Variants in MUC17 observed in about 807,000 individuals in gnomAD.
MUC17 encodes mucin 17, cell surface associated.
In MUC17, 190 loss-of-function variants were observed where a neutral mutation model predicts 170.3. The ratio of observed to expected loss-of-function variants is 1.12; its 90% CI spans 0.99 to 1.26. The LOEUF is 1.26. Ranked by LOEUF, MUC17 falls within the 50% of genes most tolerant of loss-of-function variation. The pLI is 0.00. For missense variants in MUC17, 6,415 were observed against 5,530.0 expected (o/e 1.16, Z -5.08); for synonymous variants, 2,325 against 2,002.5 (o/e 1.16, Z -4.30).
At chr7:101,044,711 T>A (rs1351451541) in intron 3 of MUC17, among the ~76,000 whole-genome samples, 2 of 152,218 alleles carry the variant, frequency 1.3e-5, no homozygotes, top group Non-Finnish European at 2.9e-5. Context: ...TCTGAGTGGT[T>A]TGTTTTCTTT....
At position 101,041,237 on chromosome 7, in the gene MUC17, C is replaced by G. The variant is rs537826960; in HGVS notation, c.9821C>G (p.Ser3274Ter). Residue 3274 changes from serine to a stop codon, truncating the protein, a stop_gained, in exon 3 of 13, where the codon TCA (serine) becomes TGA (stop). Coordinates refer to ENST00000306151, the MANE Select transcript of MUC17 (RefSeq NM_001040105.2). LOFTEE classifies it high-confidence loss of function. ...PTAEGTSMPT[S>*]TPSEGSTPLT... ...GCTGAAGGTACCAGCATGCCAACCTCAACTCCTAGTGAAGGAAGCACTCCA... is the reference window on the plus strand; with the variant it reads ...GCTGAAGGTACCAGCATGCCAACCTGAACTCCTAGTGAAGGAAGCACTCCA... The G allele has an allele frequency of 3.0e-5, 48 of 1,612,180 alleles. No homozygotes were observed. The highest frequency in any genetic ancestry group is 4.0e-5 in the Non-Finnish European group (47 of 1,178,856).
rs373140626 is a variant in MUC17, at chr7:101,049,341, C to T, written c.12681C>T (p.Ser4227=). Residue 4227 remains serine, a synonymous_variant, in exon 6 of 13, where the codon TCC becomes TCT. Transcript: ENST00000306151. ...TFTEQMNIVY[S]GIPEYVGVNI... ...CCTTTCAGATGAATATTGTGTATTC[C>T]GGGATCCCTGAGTATGTCGGGGTGA... is the stretch of plus-strand genomic sequence containing the variant. The T allele has an allele frequency of 1.3e-5, 21 of 1,613,890 alleles. No individual in the cohort carries two copies. Among genetic ancestry groups the T allele is most frequent in the Middle Eastern group, 1.6e-4 (1 of 6,080 alleles).
rs1162840042 is a variant in MUC17 at position 101,032,154 on chromosome 7, T to C, written c.738T>C (p.Pro246=). 6.2e-7 allele frequency: 1 copy of C among 1,613,928 alleles called. No homozygotes were observed. The highest frequency in any genetic ancestry group is 2.2e-5 in the East Asian group (1 of 44,862). The stretch of plus-strand genomic sequence containing the variant: ...CAACTCCTGTTGAAATCAGCACACC[T>C]GTGACCATTTCTGCTCAAGCCAGTT... ...LLTTPVEIST[P]VTISAQASSS... Residue 246 remains proline, a synonymous_variant, in exon 3 of 13, where the codon CCT becomes CCC. Transcript: ENST00000306151.
chr7:101,047,825 C>T (rs1794868584), intron 3 of MUC17, among the ~76,000 whole-genome samples, 159 bp from the exon 4 acceptor site: 2 of 152,080 alleles, frequency 1.3e-5, no homozygotes, highest in African/African-American at 4.8e-5. Context: ...GGGTAAAACT[C>T]GGACTCAAAA....
At position 101,036,445 on chromosome 7, in the gene MUC17, G is replaced by T. The variant is rs373715243; in HGVS notation, c.5029G>T (p.Gly1677Cys). ...CAGTTCATCTCCTACACCTGCTGAA[G>T]GTACCAGCATGCCAACCTCAACTTA... ...EVSSSPTPAE[G>C]TSMPTSTYTE... The change falls in exon 3 of 13, where the codon GGT becomes TGT. Residue 1677 changes from glycine (G) to cysteine (C), a missense_variant. Transcript: ENST00000306151. The T allele has an allele frequency of 1.2e-4, 190 of 1,611,072 alleles. No individual in the cohort carries two copies. The highest frequency in any genetic ancestry group is 1.5e-4 in the Non-Finnish European group (179 of 1,178,446).
intron 1 of MUC17, among the ~76,000 whole-genome samples, chr7:101,029,896 A>ACAG: frequency 6.6e-6 from 1 of 151,680 alleles, no homozygotes; most frequent in African/African-American, 2.4e-5. Flanking sequence ...ACCGTGCCCG[A>ACAG]CCTCTTTTAG....
rs771640195 is a variant in MUC17 at position 101,038,914 on chromosome 7, G to C, written c.7498G>C (p.Ala2500Pro). The C allele has an allele frequency of 3.1e-6, 5 of 1,613,980 alleles. No individual in the cohort carries two copies. In the South Asian group the frequency reaches 5.5e-5, roughly 18 times the overall value. ...STEASSSPTT[A>P]EDIVVPISTA... The stretch of plus-strand genomic sequence containing the variant: ...TGAAGCCAGTTCATCTCCTACAACT[G>C]CTGAAGATATCGTCGTGCCAATCTC... The change falls in exon 3 of 13, where the codon GCT becomes CCT. Residue 2500 changes from alanine (A) to proline (P), a missense_variant. By Grantham distance (27) the Ala-to-Pro change is conservative. Transcript: ENST00000306151.
chr7:101,051,543 G>C, intron 7 of MUC17, 70 bp from the exon 8 acceptor site: 1 of 1,514,162 alleles, frequency 6.6e-7, no homozygotes, highest in Non-Finnish European at 9.1e-7. Context: ...ACACACACAC[G>C]TCTCAGCTCC....
chr7:101,042,208 A>C lies in MUC17; in HGVS notation c.10792A>C (p.Thr3598Pro), dbSNP rs1312280590. 6.2e-7 allele frequency: 1 copy of C among 1,613,520 alleles called. No homozygotes were observed. ...VTSSEASTPS[T>P]PSVDRSTPVT... ...CAGTTCTGAGGCTAGCACACCTTCCACTCCTTCTGTTGACAGAAGCACACC... is the reference window on the plus strand; with the variant it reads ...CAGTTCTGAGGCTAGCACACCTTCCCCTCCTTCTGTTGACAGAAGCACACC... Residue 3598 changes from threonine to proline, a missense_variant, in exon 3 of 13, where the codon ACT becomes CCT. Transcript: ENST00000306151.
At chr7:101,056,314 G>A (rs995780657) in intron 12 of MUC17, 44 bp downstream of exon 12, 30 of 1,607,340 alleles carry the variant, frequency 1.9e-5, no homozygotes, top group Non-Finnish European at 2.4e-5. Flanking sequence ...CCAACCCTGC[G>A]ACTTTCTTCT....
In MUC17 at chr7:101,042,133, G is replaced by A; in HGVS notation, c.10717G>A (p.Glu3573Lys). The A allele has an allele frequency of 6.2e-7, 1 of 1,614,184 alleles. No homozygotes were observed. The highest frequency in any genetic ancestry group is 1.7e-5 in the Admixed American group (1 of 60,034). ...VTTMRMSTPS[E>K]GSSSLTTMLL... ...CACTATGCGTATGTCTACTCCAAGT[G>A]AAGGAAGCTCTTCATTAACAACTAT... Residue 3573 changes from glutamate to lysine, a missense_variant, in exon 3 of 13, where the codon GAA becomes AAA. Transcript: ENST00000306151.
chr7:101,042,963 T>C lies in MUC17; in HGVS notation c.11547T>C (p.Ser3849=), dbSNP rs759873526. The change falls in exon 3 of 13, where the codon TCT becomes TCC. Residue 3849 remains serine (S), a synonymous_variant. Transcript: ENST00000306151. ...ATACCAGCACACCTTTGCTCACCTC[T>C]ACCAAAGCCGGTTCATTCTCCATAC... The part of the protein sequence containing the change: ...PGDTSTPLLT[S]TKAGSFSIPA... 8.1e-6 allele frequency: 13 copies of C among 1,614,068 alleles called. No individual in the cohort carries two copies. The African/African-American group carries it at 1.7e-4, about 22-fold the overall frequency.
Position 101,033,461 on chromosome 7 carries a change from C to A in MUC17, c.2045C>A (p.Thr682Asn). 3 of 1,613,572 alleles carry A rather than the reference C, an allele frequency of 1.9e-6. No homozygotes were observed. Among genetic ancestry groups the A allele is most frequent in the Non-Finnish European group, 1.7e-6 (2 of 1,179,740 alleles). Residue 682 changes from threonine (T) to asparagine (N), a missense_variant, in exon 3 of 13, where the codon ACT becomes AAT. Physicochemically the swap from Thr to Asn is moderately conservative, Grantham distance 65 (BLOSUM62 0). Coordinates refer to ENST00000306151, the MANE Select transcript of MUC17 (RefSeq NM_001040105.2). ...GAAGGTACCAGCATGCCAACCTCAA[C>A]TTATACTGAAGGAAGCACTCCATTA... ...TAEGTSMPTS[T>N]YTEGSTPLTS...
intron 1 of MUC17, among the ~76,000 whole-genome samples, chr7:101,030,515 G>A (rs111733652): frequency 0.014 from 2,168 of 152,200 alleles, 26 homozygotes; most frequent in Middle Eastern, 0.044. Context: ...GAGCCACCAC[G>A]CCCAGTCAGT....
In MUC17 at chr7:101,040,203, A is replaced by G; in HGVS notation, c.8787A>G (p.Pro2929=). 4.3e-6 allele frequency: 7 copies of G among 1,612,498 alleles called. No individual in the cohort carries two copies. Among genetic ancestry groups the G allele is most frequent in the Admixed American group, 1.7e-5 (1 of 59,626 alleles). Residue 2929 remains proline (P), a synonymous_variant, in exon 3 of 13, where the codon CCA becomes CCG. Transcript: ENST00000306151. The stretch of plus-strand genomic sequence containing the variant: ...CAACTCCTAGTGAAGTAAGTACTCC[A>G]TTAACAAGTATACTTGTCAGCACCG... ...PISTPSEVST[P]LTSILVSTVP...
intron 1 of MUC17, among the ~76,000 whole-genome samples, chr7:101,023,318 A>G (rs1004925927): frequency 2.6e-5 from 4 of 152,180 alleles, no homozygotes; most frequent in Admixed American, 6.5e-5. Flanking sequence ...CACAACAGAA[A>G]GGAATGAGGG....
rs140266361 is a variant in MUC17, at chr7:101,034,758, C to T, written c.3342C>T (p.Val1114=). ...TGCCTGTCAGCACCAGGCTGGTGGT[C>T]AGTTCTGAGGCTAGCACCCTTTCCA... The part of the protein sequence containing the change: ...TSVPVSTRLV[V]SSEASTLSTT... Residue 1114 remains valine (V), a synonymous_variant, in exon 3 of 13, where the codon GTC becomes GTT. Coordinates refer to ENST00000306151, the MANE Select transcript of MUC17 (RefSeq NM_001040105.2). 150 of 1,606,896 alleles carry T rather than the reference C, an allele frequency of 9.3e-5. No individual in the cohort carries two copies. In the African/African-American group the frequency reaches 1.5e-3, roughly 16 times the overall value.
At chr7:101,050,665 G>A (rs1378207809) in intron 7 of MUC17, 30 bp downstream of exon 7, 1 of 1,607,818 alleles carries the variant, frequency 6.2e-7, no homozygotes, top group Admixed American at 1.7e-5. Flanking sequence ...GGAGGGAAGG[G>A]AGAAGGCATC....
At chr7:101,054,334 TGTACCTCA>T (rs1484824722) in intron 11 of MUC17, among the ~76,000 whole-genome samples, 1 of 152,138 alleles carries the variant, frequency 6.6e-6, no homozygotes, top group Non-Finnish European at 1.5e-5. Flanking sequence ...GCAGGGGAGT[TGTACCTCA>T]GTAAAGAGAC....
Sources: gnomAD v4.1 joint callset for allele counts (sites outside exome capture counted in the v4.1 genomes callset) on GRCh38, gnomAD v4.1.1 for gene constraint, MANE v1.5 for transcripts, NCBI Gene and HGNC (gene_info 2026-07-23, HGNC 2026-07-21) for gene names.